Variants in SGCZ observed in about 807,000 individuals in gnomAD.
SGCZ encodes the protein sarcoglycan zeta, also known as zeta-sarcoglycan.
A neutral mutation model predicts 41.3 loss-of-function variants in SGCZ; 40 were observed. That is an observed-to-expected ratio of 0.97 (90% CI 0.75 to 1.26). The LOEUF is 1.26. Among genes scored for constraint, SGCZ ranks in the 50% most tolerant of loss-of-function variants. SGCZ has a pLI of 0.00. For missense variants in SGCZ, 552 were observed against 369.8 expected, an observed-to-expected ratio of 1.49 and a Z score of -4.04; for synonymous variants, 206 against 137.5, an observed-to-expected ratio of 1.50 and a Z score of -3.49.
At chr8:15,124,723 G>T (rs2116958760) in intron 1 of SGCZ, among the ~76,000 whole-genome samples, 1 of 152,122 alleles carries the variant, frequency 6.6e-6, no homozygotes, top group African/African-American at 2.4e-5. Flanking sequence ...TTATTATGAG[G>T]TCTAAATACT....
intron 3 of SGCZ, among the ~76,000 whole-genome samples, chr8:14,272,716 C>G (rs920202730): frequency 3.3e-5 from 5 of 152,098 alleles, no homozygotes; most frequent in Non-Finnish European, 5.9e-5. Flanking sequence ...GGGAATGACT[C>G]TAAGTTTACT....
chr8:14,233,443 T>C (rs1806643186), intron 4 of SGCZ, among the ~76,000 whole-genome samples: 1 of 151,226 alleles, frequency 6.6e-6, no homozygotes, highest in Admixed American at 6.6e-5. Flanking sequence ...AAAATATAAT[T>C]ATCCTCATGA....
intron 1 of SGCZ, among the ~76,000 whole-genome samples, chr8:14,726,938 A>G (rs1432115528): frequency 6.6e-6 from 1 of 152,204 alleles, no homozygotes; most frequent in East Asian, 1.9e-4. Context: ...TTCACGAATC[A>G]TGAAGGCAAA....
chr8:14,935,933 T>C (rs908928717), intron 1 of SGCZ, among the ~76,000 whole-genome samples: 1 of 151,892 alleles, frequency 6.6e-6, no homozygotes, highest in Non-Finnish European at 1.5e-5. Context: ...GCTCTATTTG[T>C]ATCAGACACA....
At chr8:15,090,563 T>C (rs968322736) in intron 1 of SGCZ, among the ~76,000 whole-genome samples, 1 of 152,130 alleles carries the variant, frequency 6.6e-6, no homozygotes, top group Non-Finnish European at 1.5e-5. Context: ...CACAAGCATA[T>C]TCCTAAAAGG....
chr8:14,585,202 CT>C (rs987093839), intron 1 of SGCZ, among the ~76,000 whole-genome samples: 24 of 152,206 alleles, frequency 1.6e-4, no homozygotes, highest in African/African-American at 5.1e-4. Context: ...GTTAAATGTA[CT>C]TTTCAAGAAG....
chr8:14,618,676 T>C (rs1806185768), intron 1 of SGCZ, among the ~76,000 whole-genome samples: 3 of 152,072 alleles, frequency 2.0e-5, no homozygotes, highest in Admixed American at 2.0e-4. Context: ...ATGTAGGAAG[T>C]TTTGTGTAGG....
intron 1 of SGCZ, among the ~76,000 whole-genome samples, chr8:15,191,412 T>A (rs1463484009): frequency 6.6e-6 from 1 of 152,098 alleles, no homozygotes; most frequent in African/African-American, 2.4e-5. Flanking sequence ...ATGTCACCGC[T>A]TAAGGGATTT....
At chr8:14,422,787 G>C (rs1799670146) in intron 2 of SGCZ, among the ~76,000 whole-genome samples, 1 of 152,190 alleles carries the variant, frequency 6.6e-6, no homozygotes, top group South Asian at 2.1e-4. Flanking sequence ...ACTACTGTCA[G>C]CACTTTGGAA....
In SGCZ at chr8:14,088,995, T is replaced by C. The variant is rs1801608597; in HGVS notation, c.*1448A>G. On this transcript the variant is annotated 3_prime_UTR_variant, in exon 8 of 8. Coordinates refer to ENST00000382080, the MANE Select transcript of SGCZ (RefSeq NM_139167.4). ...GATTGACATGTGAAAATTCAGGACT[T>C]ACCTTATAGTAATTAAGTCATCTTC... 6.6e-6 allele frequency among the ~76,000 whole-genome samples: 1 copy of C among 151,942 alleles called. No homozygotes were observed. Among genetic ancestry groups the C allele is most frequent in the South Asian group, 2.1e-4 (1 of 4,826 alleles).
chr8:14,347,933 T>C lies in SGCZ; in HGVS notation c.235-23729A>G, dbSNP rs1288603960. On this transcript the variant is annotated intron_variant, in intron 2 of 7. Coordinates refer to ENST00000382080, the MANE Select transcript of SGCZ (RefSeq NM_139167.4). ...CTTTATTTTCTCTAAACTGAGAATA[T>C]AGCATTAAAATGTACTTTGCAACTC... 3.3e-5 allele frequency among the ~76,000 whole-genome samples: 5 copies of C among 152,246 alleles called. No individual in the cohort carries two copies. The East Asian group carries it at 9.7e-4, about 29-fold the overall frequency.
At chr8:14,432,002 G>A (rs1799955340) in intron 2 of SGCZ, among the ~76,000 whole-genome samples, 1 of 147,880 alleles carries the variant, frequency 6.8e-6, no homozygotes, top group South Asian at 2.1e-4. Flanking sequence ...TTGCAAGAAT[G>A]GCTATAATCC....
At chr8:14,930,659 A>C (rs1245267426) in intron 1 of SGCZ, among the ~76,000 whole-genome samples, 1 of 152,054 alleles carries the variant, frequency 6.6e-6, no homozygotes, top group African/African-American at 2.4e-5. Context: ...TGCAGCCATA[A>C]AAAAGGATGA....
chr8:14,380,344 C>T (rs1043424735), intron 2 of SGCZ, among the ~76,000 whole-genome samples: 3 of 152,056 alleles, frequency 2.0e-5, no homozygotes, highest in Non-Finnish European at 4.4e-5. Flanking sequence ...ATTAGATAAT[C>T]ACCTATATTT....
chr8:15,142,754 G>A (rs1798926958), intron 1 of SGCZ, among the ~76,000 whole-genome samples: 1 of 147,764 alleles, frequency 6.8e-6, no homozygotes, highest in South Asian at 2.1e-4. Context: ...TGGGCCTACA[G>A]GCACACATCA....
intron 3 of SGCZ, among the ~76,000 whole-genome samples, chr8:14,282,023 T>G (rs564924047): frequency 1.3e-5 from 2 of 152,252 alleles, no homozygotes; most frequent in East Asian, 3.9e-4. Flanking sequence ...ATCCAACCAG[T>G]TATCAAACCA....
At chr8:14,229,470 T>C (rs1806485817) in intron 4 of SGCZ, among the ~76,000 whole-genome samples, 1 of 152,040 alleles carries the variant, frequency 6.6e-6, no homozygotes, top group Non-Finnish European at 1.5e-5. Context: ...TATAAATTTA[T>C]TAACATGAAT....
At chr8:15,215,405 G>A (rs1054671267) in intron 1 of SGCZ, among the ~76,000 whole-genome samples, 1 of 152,124 alleles carries the variant, frequency 6.6e-6, no homozygotes, top group Non-Finnish European at 1.5e-5. Flanking sequence ...AAATCTTGCT[G>A]AACTTCATAT....
chr8:15,169,970 A>G (rs1017454747), intron 1 of SGCZ, among the ~76,000 whole-genome samples: 1 of 152,230 alleles, frequency 6.6e-6, no homozygotes, highest in African/African-American at 2.4e-5. Context: ...TTTCCAGTCG[A>G]AAATACTGCA....
Sources: allele counts gnomAD v4.1 joint callset (sites outside exome capture counted in the v4.1 genomes callset), GRCh38; gene constraint gnomAD v4.1.1; transcripts MANE v1.5; gene names NCBI Gene and HGNC (gene_info 2026-07-23, HGNC 2026-07-21).